Variants in OPHN1 observed in about 807,000 individuals in gnomAD.
OPHN1 encodes the protein oligophrenin-1.
A neutral mutation model predicts 60.7 loss-of-function variants in OPHN1; 11 were observed. The observed-to-expected ratio is 0.18, with a 90% CI of 0.11 to 0.30. The LOEUF is 0.30. OPHN1 is among the 10% of genes least tolerant of loss of function. The pLI is 1.00. For synonymous variants in OPHN1, 226 were observed against 222.6 expected (o/e 1.02, Z -0.14); for missense variants, 449 against 611.0 (o/e 0.73, Z 2.80).
intron 15 of OPHN1, among the ~76,000 whole-genome samples, chrX:68,172,784 C>A (rs1392610875): frequency 9.0e-6 from 1 of 111,175 alleles, no homozygotes; most frequent in African/African-American, 3.3e-5. Context: ...CAAGTGGAAA[C>A]AACACTCATA....
chrX:68,170,323 C>T (rs1340216467), intron 15 of OPHN1, among the ~76,000 whole-genome samples: 1 of 104,918 alleles, frequency 9.5e-6, no homozygotes, highest in East Asian at 2.9e-4. Context: ...AACACTTTTA[C>T]ACTGTTGGTG....
intron 2 of OPHN1, among the ~76,000 whole-genome samples, chrX:68,318,286 T>C (rs1456284159): frequency 8.9e-6 from 1 of 112,068 alleles, no homozygotes; most frequent in Non-Finnish European, 1.9e-5. Flanking sequence ...TGGAGAAGCT[T>C]ACCATGTTTA....
intron 20 of OPHN1, chrX:68,070,829 A>C (rs1010929471): frequency 1.0e-5 from 12 of 1,169,325 alleles, no homozygotes; most frequent in Non-Finnish European, 1.2e-5. Context: ...TCAGGACCAC[A>C]GTCCAAGCCC....
chrX:68,201,965 G>A (rs772762289), intron 10 of OPHN1, among the ~76,000 whole-genome samples: 1 of 111,988 alleles, frequency 8.9e-6, no homozygotes, highest in Non-Finnish European at 1.9e-5. Flanking sequence ...TTCCCAAGAC[G>A]GAAGACTTAA....
At chrX:68,125,533 A>C (rs1475462604) in intron 15 of OPHN1, among the ~76,000 whole-genome samples, 2 of 111,103 alleles carry the variant, frequency 1.8e-5, no homozygotes, top group African/African-American at 6.5e-5. Flanking sequence ...TCAAAGGGTA[A>C]TTAGTGGCTA....
chrX:68,359,339 C>T (rs947393326), intron 2 of OPHN1, among the ~76,000 whole-genome samples: 1 of 111,705 alleles, frequency 9.0e-6, no homozygotes, highest in Non-Finnish European at 1.9e-5. Flanking sequence ...ATGGGTTTTA[C>T]AGCTTTTATG....
chrX:68,213,487 G>A (rs1036532791), intron 7 of OPHN1, among the ~76,000 whole-genome samples: 1 of 111,029 alleles, frequency 9.0e-6, no homozygotes, highest in Admixed American at 9.6e-5. Context: ...GACTGCAAGA[G>A]ACATGAGTCC....
chrX:68,103,860 C>T (rs747756604), intron 18 of OPHN1, among the ~76,000 whole-genome samples: 38 of 110,793 alleles, frequency 3.4e-4, no homozygotes, highest in African/African-American at 7.2e-4. Context: ...GGTATTCAAA[C>T]AGGAAGAGAG....
rs1266981689 is a variant in OPHN1, at chrX:68,426,569, T to TATATAA, written c.154+6297_154+6298insTTATAT. On this transcript the variant is annotated intron_variant, in intron 2 of 24. Transcript: ENST00000355520. ...CATCTGTTTTATATATATATATATA[T>TATATAA]ACATACACAGAGGCTGGGCGTGATG... Among the ~76,000 whole-genome samples, 66 of 41,594 alleles carry TATATAA rather than the reference T, an allele frequency of 1.6e-3. 11 individuals carry two copies. The highest frequency in any genetic ancestry group is 4.0e-3 in the South Asian group (2 of 499). 36.1% of individuals were successfully genotyped at this position (41,594 alleles called of 115,157 possible). A position where few individuals can be genotyped will look rare whatever the true frequency, so the allele number is the denominator to read the frequency against.
At chrX:68,146,583 C>T (rs757059621) in intron 15 of OPHN1, among the ~76,000 whole-genome samples, 3 of 112,416 alleles carry the variant, frequency 2.7e-5, no homozygotes, top group African/African-American at 9.7e-5. Context: ...TTAAAAGTAT[C>T]CTGGCTCCAC....
chrX:68,298,573 G>A (rs2078105924), intron 3 of OPHN1, among the ~76,000 whole-genome samples: 1 of 111,548 alleles, frequency 9.0e-6, no homozygotes, highest in African/African-American at 3.3e-5. Flanking sequence ...CAATTCCCAA[G>A]AGAGATGCTA....
chrX:68,307,655 G>A (rs1462389603), intron 2 of OPHN1, among the ~76,000 whole-genome samples: 1 of 110,784 alleles, frequency 9.0e-6, no homozygotes, highest in South Asian at 3.8e-4. Context: ...TGAAGCTCAA[G>A]TCCTAATTAG....
rs2077718880 is a variant in OPHN1 at position 68,229,930 on chromosome X, AAGAGCT to A, written c.486+4551_486+4556del. Among the ~76,000 whole-genome samples the A allele has an allele frequency of 5.4e-5, 6 of 112,082 alleles. No homozygotes were observed. In the South Asian group the frequency reaches 1.8e-3, roughly 35 times the overall value. On this transcript the variant is annotated intron_variant, in intron 6 of 24. Transcript: ENST00000355520. ...TGACAAATGGGATCTAATTAAACTAAAGAGCTTCTGCACAGCAAAAGAAACTACTGT... is the reference window on the plus strand; with the variant it reads ...TGACAAATGGGATCTAATTAAACTAATCTGCACAGCAAAAGAAACTACTGT...
intron 2 of OPHN1, among the ~76,000 whole-genome samples, chrX:68,416,627 A>T (rs760168530): frequency 2.0e-4 from 22 of 111,954 alleles, no homozygotes; most frequent in African/African-American, 5.5e-4. Flanking sequence ...CCATTCAAAC[A>T]GGAAAACACC....
intron 2 of OPHN1, among the ~76,000 whole-genome samples, chrX:68,335,193 C>T (rs1318782603): frequency 9.3e-6 from 1 of 107,788 alleles, no homozygotes; most frequent in Non-Finnish European, 1.9e-5. Context: ...CGGGGGGGTG[C>T]TCAACGAAGA....
At chrX:68,301,258 C>T (rs1268105631) in intron 2 of OPHN1, among the ~76,000 whole-genome samples, 1 of 109,853 alleles carries the variant, frequency 9.1e-6, no homozygotes, top group African/African-American at 3.3e-5. Context: ...CCAGCTTGGC[C>T]AACTTGGTGA....
At chrX:68,285,926 T>C (rs1419230833) in intron 3 of OPHN1, among the ~76,000 whole-genome samples, 1 of 111,255 alleles carries the variant, frequency 9.0e-6, no homozygotes, top group Non-Finnish European at 1.9e-5. Context: ...ACTGTTCTCA[T>C]TCATTTCTTA....
intron 12 of OPHN1, among the ~76,000 whole-genome samples, chrX:68,194,990 G>A (rs5012331): frequency 8.5e-5 from 7 of 82,666 alleles, no homozygotes; most frequent in African/African-American, 2.9e-4. Flanking sequence ...GAAAGAAAGA[G>A]AGAGAGAGAA....
chrX:68,426,569 T>TATATATATATATATATAA lies in OPHN1; in HGVS notation c.154+6297_154+6298insTTATATATATATATATAT, dbSNP rs1266981689. Among the ~76,000 whole-genome samples the TATATATATATATATATAA allele has an allele frequency of 1.7e-3, 70 of 41,596 alleles. 6 individuals carry two copies. The highest frequency in any genetic ancestry group is 9.9e-3 in the East Asian group (8 of 805). The allele number at this position is 41,596 out of a possible 115,157, so 36.1% of individuals were successfully genotyped here. On this transcript the variant is annotated intron_variant, in intron 2 of 24. Coordinates refer to ENST00000355520, the MANE Select transcript of OPHN1 (RefSeq NM_002547.3). ...CATCTGTTTTATATATATATATATA[T>TATATATATATATATATAA]ACATACACAGAGGCTGGGCGTGATG...
Sources: gnomAD v4.1 joint callset for allele counts (sites outside exome capture counted in the v4.1 genomes callset) on GRCh38, gnomAD v4.1.1 for gene constraint, MANE v1.5 for transcripts, NCBI Gene and HGNC (gene_info 2026-07-23, HGNC 2026-07-21) for gene names.